Variants in SCUBE3 observed in about 807,000 individuals in gnomAD.
The protein encoded by SCUBE3 is signal peptide, CUB domain and EGF like domain containing 3.
SCUBE3 carries 33 observed loss-of-function variants against 116.8 expected under a neutral mutation model. The ratio of observed to expected loss-of-function variants is 0.28; its 90% confidence interval spans 0.21 to 0.38. The LOEUF is 0.38. Among genes scored for constraint, SCUBE3 ranks in the 10% least tolerant of loss-of-function variants. The probability of loss-of-function intolerance (pLI) is 1.00; values close to 1 mark genes in which losing one functional copy is unlikely to be tolerated. For synonymous variants in SCUBE3, 418 were observed against 496.9 expected, an observed-to-expected ratio of 0.84 and a Z score of 2.11; for missense variants, 1,007 against 1,324.8, an observed-to-expected ratio of 0.76 and a Z score of 3.72.
chr6:35,231,932 C>G lies in SCUBE3; in HGVS notation c.469+73C>G, dbSNP rs1562048375. ...CTCTTCCCAGCTGTCCCTCAGCAGC[C>G]CCTAAGTCTCACCCTCCATTCTCAA... On this transcript the variant is annotated intron_variant, in intron 4 of 21. Coordinates refer to ENST00000274938, the MANE Select transcript of SCUBE3 (RefSeq NM_152753.4). The surrounding 1 kb of genome is among the most constrained non-coding windows in gnomAD (Gnocchi z 4.2). 2 of 1,329,034 alleles carry G rather than the reference C, an allele frequency of 1.5e-6. No homozygotes were observed. The highest frequency in any genetic ancestry group is 4.8e-5 in the East Asian group (2 of 41,794). 82.3% of individuals were successfully genotyped at this position (1,329,034 alleles called of 1,614,324 possible).
chr6:35,217,340 CCTCCAGGGAAACTTGTCCCCAGGGCTGG>C (rs1782962292), intron 1 of SCUBE3, among the ~76,000 whole-genome samples: 1 of 149,600 alleles, frequency 6.7e-6, no homozygotes. Flanking sequence ...GGTCTCTCGG[CCTCCAGGGAAACTTGTCCCCAGGGCTGG>C]CTCCAGGAGA....
In SCUBE3 at chr6:35,219,441, G is replaced by C. The variant is rs1187310869; in HGVS notation, c.85+4938G>C. Among the ~76,000 whole-genome samples, 3 of 152,136 alleles carry C rather than the reference G, an allele frequency of 2.0e-5. No homozygotes were observed. Among genetic ancestry groups the C allele is most frequent in the Non-Finnish European group, 4.4e-5 (3 of 68,024 alleles). ...TGCTGTGCTTTGGCTGAACAAATGG[G>C]ATGATGACCCCTATATAGGGCACAG... On this transcript the variant is annotated intron_variant, in intron 1 of 21. Coordinates refer to ENST00000274938, the MANE Select transcript of SCUBE3 (RefSeq NM_152753.4). This position sits in a 1 kb window ranked among gnomAD's most constrained non-coding sequence, Gnocchi z 4.7.
In SCUBE3 at chr6:35,222,460, AAT is replaced by A. The variant is rs1783153350; in HGVS notation, c.86-5119_86-5118del. The A allele has an allele frequency of 1.3e-5, 2 of 152,258 alleles. 1 individual carries two copies. The highest frequency in any genetic ancestry group is 4.1e-4 in the South Asian group (2 of 4,832). The allele number at this position is 152,258 out of a possible 1,614,324, so 9.4% of individuals were successfully genotyped here. A position where few individuals can be genotyped will look rare whatever the true frequency, so the allele number is the denominator to read the frequency against. The stretch of plus-strand genomic sequence containing the variant: ...GAGTGCTCTGCTAGGCGCTAAAGCA[AAT>A]TCAGAAGAAATGTCAGATGGTACTG... On this transcript the variant is annotated intron_variant, in intron 1 of 21. Coordinates refer to ENST00000274938, the MANE Select transcript of SCUBE3 (RefSeq NM_152753.4).
chr6:35,226,347 A>T (rs546184491), intron 1 of SCUBE3, among the ~76,000 whole-genome samples: 7 of 152,266 alleles, frequency 4.6e-5, no homozygotes, highest in Non-Finnish European at 1.0e-4. Flanking sequence ...TTGAGCCTCC[A>T]CAGCTATCAT....
rs1024987471 is a variant in SCUBE3, at chr6:35,233,796, G to C, written c.712+495G>C. On this transcript the variant is annotated intron_variant, in intron 6 of 21. Transcript: ENST00000274938. The surrounding 1 kb of genome is among the most constrained non-coding windows in gnomAD (Gnocchi z 5.7). ...ACCATCCCTGAACTGACTGACAGAT[G>C]GGGTTTCCTGGCTCCAGGTATCTTT... 2.0e-5 allele frequency among the ~76,000 whole-genome samples: 3 copies of C among 152,134 alleles called. No individual in the cohort carries two copies. The highest frequency in any genetic ancestry group is 2.9e-5 in the Non-Finnish European group (2 of 68,016).
Position 35,233,125 on chromosome 6 carries a change from T to G in SCUBE3, c.596-60T>G. On this transcript the variant is annotated intron_variant, in intron 5 of 21. Transcript: ENST00000274938. The surrounding 1 kb of genome is among the most constrained non-coding windows in gnomAD (Gnocchi z 5.7). ...GGCAAGGGGGCCAGTACCCACATTG[T>G]GGAAAACTGTGGATGCAGGGAGGAG... 6.7e-7 allele frequency: 1 copy of G among 1,492,178 alleles called. No homozygotes were observed. The highest frequency in any genetic ancestry group is 2.3e-5 in the East Asian group (1 of 44,218). 92.4% of individuals were successfully genotyped at this position (1,492,178 alleles called of 1,614,324 possible). A position where few individuals can be genotyped will look rare whatever the true frequency, so the allele number is the denominator to read the frequency against.
At position 35,242,765 on chromosome 6, in the gene SCUBE3, G is replaced by A; in HGVS notation, c.1678G>A (p.Ala560Thr). 6.2e-7 allele frequency: 1 copy of A among 1,613,604 alleles called. No individual in the cohort carries two copies. The highest frequency in any genetic ancestry group is 8.5e-7 in the Non-Finnish European group (1 of 1,179,570). ...LTLELEAEVR[A>T]EETTASCGLP... ...CCTGGAACTGGAGGCAGAGGTCAGA[G>A]CCGAAGAAACCACAGGTGGGACTGG... Residue 560 changes from alanine (A) to threonine (T), a missense_variant, in exon 14 of 22, where the codon GCC (alanine) becomes ACC (threonine). By Grantham distance (58) the Ala-to-Thr change is moderately conservative (BLOSUM62 0). Around this residue, in one of 5 missense-constraint regions of SCUBE3, gnomAD observed 544 missense variants for 638.9 expected, o/e 0.85. Coordinates refer to ENST00000274938, the MANE Select transcript of SCUBE3 (RefSeq NM_152753.4).
intron 1 of SCUBE3, among the ~76,000 whole-genome samples, chr6:35,217,503 G>A (rs1047974287): frequency 2.0e-5 from 3 of 151,130 alleles, no homozygotes; most frequent in African/African-American, 7.3e-5. Flanking sequence ...TTCATGTGGT[G>A]GCAAACAGTG....
chr6:35,223,164 T>G (rs1419912098), intron 1 of SCUBE3: 1 of 152,192 alleles, frequency 6.6e-6, no homozygotes, highest in Non-Finnish European at 1.5e-5. Flanking sequence ...CCTGCCTGGA[T>G]AAGCAGAGCA....
rs764779695 is a variant in SCUBE3 at position 35,226,480 on chromosome 6, C to CTTTTTT, written c.86-1083_86-1078dup. Among the ~76,000 whole-genome samples, 172 of 85,212 alleles carry CTTTTTT rather than the reference C, an allele frequency of 2.0e-3. 5 individuals carry two copies. The highest frequency in any genetic ancestry group is 2.3e-3 in the Non-Finnish European group (115 of 49,398). 55.9% of individuals were successfully genotyped at this position (85,212 alleles called of 152,430 possible). ...CAGAAGTTGGACTCTTTTCTATGTC[C>CTTTTTT]TTTTTTTTTTTTTTTTTTTTTTGAG... On this transcript the variant is annotated intron_variant, in intron 1 of 21. Transcript: ENST00000274938.
Position 35,241,567 on chromosome 6 carries a change from C to T in SCUBE3, c.1220C>T (p.Pro407Leu). The change falls in exon 11 of 22, where the codon CCT becomes CTT. Residue 407 changes from proline (P) to leucine (L), a missense_variant. Physicochemically the swap from Pro to Leu is moderately conservative, Grantham distance 98. Coordinates refer to ENST00000274938, the MANE Select transcript of SCUBE3 (RefSeq NM_152753.4). This position sits in a 1 kb window ranked among gnomAD's most constrained non-coding sequence, Gnocchi z 4.1. ...CTEPLKCQGS[P>L]GASKAMLSCN... is the part of the protein sequence containing the mutation. ...GAGCCACTGAAGTGTCAGGGCAGTC[C>T]TGGGGCCTCGAAAGCCATGCTCAGC... The T allele has an allele frequency of 6.2e-7, 1 of 1,614,010 alleles. No homozygotes were observed. Among genetic ancestry groups the T allele is most frequent in the Non-Finnish European group, 8.5e-7 (1 of 1,179,834 alleles).
chr6:35,217,043 G>A (rs960678610), intron 1 of SCUBE3, among the ~76,000 whole-genome samples: 2 of 151,878 alleles, frequency 1.3e-5, no homozygotes, highest in African/African-American at 2.4e-5. Context: ...GAACTGTATG[G>A]AAGAGTAGGT....
At chr6:35,216,166 C>T (rs926642663) in intron 1 of SCUBE3, among the ~76,000 whole-genome samples, 2 of 152,230 alleles carry the variant, frequency 1.3e-5, no homozygotes, top group African/African-American at 4.8e-5. Context: ...ATGGAGACCC[C>T]TCCAAGGGAC....
In SCUBE3 at chr6:35,248,614, A is replaced by G; in HGVS notation, c.2891A>G (p.Lys964Arg). ...CTAGCCCACCCCCAGAACTACTTCA[A>G]GTACACAGAGAAACACAAGGAGATG... ...EVLAHPQNYF[K>R]YTEKHKEMLP... is the part of the protein sequence containing the mutation. The change falls in exon 22 of 22, where the codon AAG becomes AGG. Residue 964 changes from lysine to arginine, a missense_variant. By Grantham distance (26) the Lys-to-Arg change is conservative. Around this residue, in one of 5 missense-constraint regions of SCUBE3, gnomAD observed 118 missense variants for 196.6 expected, o/e 0.60. Transcript: ENST00000274938. 2 of 1,614,048 alleles carry G rather than the reference A, an allele frequency of 1.2e-6. No homozygotes were observed. Among genetic ancestry groups the G allele is most frequent in the East Asian group, 2.2e-5 (1 of 44,870 alleles).
In SCUBE3 at chr6:35,214,352, G is replaced by T; in HGVS notation, c.-67G>T. 9.4e-7 allele frequency: 1 copy of T among 1,062,386 alleles called. No homozygotes were observed. The highest frequency in any genetic ancestry group is 2.4e-5 in the South Asian group (1 of 41,948). The allele number at this position is 1,062,386 out of a possible 1,614,324, so 65.8% of individuals were successfully genotyped here. On this transcript the variant is annotated 5_prime_UTR_variant, in exon 1 of 22. Coordinates refer to ENST00000274938, the MANE Select transcript of SCUBE3 (RefSeq NM_152753.4). The surrounding 1 kb of genome is among the most constrained non-coding windows in gnomAD (Gnocchi z 6.3). ...CTCCCCCTCCTGCGAGCTGGGATCC[G>T]GCCGGCTTCCGCCCTCCCCTGGCCG...
At chr6:35,229,311 G>A (rs947666027) in intron 3 of SCUBE3, among the ~76,000 whole-genome samples, 4 of 152,142 alleles carry the variant, frequency 2.6e-5, no homozygotes, top group African/African-American at 9.7e-5. Flanking sequence ...CAGCTACTTG[G>A]GAGCTCTTCC....
intron 1 of SCUBE3, among the ~76,000 whole-genome samples, chr6:35,215,029 C>T (rs12660874): frequency 2.0e-5 from 3 of 152,158 alleles, no homozygotes; most frequent in African/African-American, 7.2e-5. Flanking sequence ...AAAATCAACT[C>T]ATCTCTCACC....
chr6:35,215,198 AT>A (rs1782836449), intron 1 of SCUBE3, among the ~76,000 whole-genome samples: 1 of 152,114 alleles, frequency 6.6e-6, no homozygotes, highest in Non-Finnish European at 1.5e-5. Flanking sequence ...TTCCAATTCC[AT>A]TTAAATCCAG....
intron 1 of SCUBE3, chr6:35,221,250 G>T (rs552584712): frequency 1.2e-4 from 19 of 152,302 alleles, no homozygotes; most frequent in African/African-American, 4.6e-4. Context: ...GATGTCTGAA[G>T]ACCCTGAGAC....
Sources: allele counts gnomAD v4.1 joint callset (sites outside exome capture counted in the v4.1 genomes callset), GRCh38; gene constraint gnomAD v4.1.1; regional missense constraint gnomAD v4.1.1; non-coding constraint Gnocchi (gnomAD v3.1); transcripts MANE v1.5; gene names NCBI Gene and HGNC (gene_info 2026-07-23, HGNC 2026-07-21).